The following STK10 variants were observed in gnomAD, a reference collection of about 807,000 sequenced individuals.
The protein encoded by STK10 is serine/threonine-protein kinase 10.
Under a neutral mutation model 113.8 loss-of-function variants are expected in STK10, and 78 were observed. That is an observed-to-expected ratio of 0.69 (90% CI 0.57 to 0.83). STK10 has a LOEUF of 0.83. Ranked by LOEUF, STK10 falls within the 40% of genes least tolerant of loss-of-function variation. The pLI is 0.00. For missense variants in STK10, 1,109 were observed against 1,280.1 expected (o/e 0.87, Z 2.04); for synonymous variants, 465 against 494.7 (o/e 0.94, Z 0.80).
intron 14 of STK10, among the ~76,000 whole-genome samples, chr5:172,058,722 T>A (rs1767858668): frequency 6.6e-6 from 1 of 151,942 alleles, no homozygotes. Flanking sequence ...AAACCCAGTC[T>A]CTACTAAAAA....
chr5:172,143,892 A>G (rs1010323127), intron 2 of STK10, among the ~76,000 whole-genome samples: 1 of 152,246 alleles, frequency 6.6e-6, no homozygotes, highest in African/African-American at 2.4e-5. Context: ...TAGCCTTAAG[A>G]TGCCCAGAAA....
intron 3 of STK10, 103 bp from the exon 4 acceptor site, chr5:172,117,733 G>C: frequency 6.7e-7 from 1 of 1,497,802 alleles, no homozygotes; most frequent in Non-Finnish European, 9.0e-7. Flanking sequence ...ACCAACATTA[G>C]GCCAGGCGTG....
At chr5:172,048,837 C>A (rs1211716950) in intron 18 of STK10, among the ~76,000 whole-genome samples, 2 of 151,642 alleles carry the variant, frequency 1.3e-5, no homozygotes, top group Admixed American at 1.3e-4. Context: ...AGGCCCCCCA[C>A]CCCTCTGACT....
At chr5:172,182,033 G>C (rs916388099) in intron 1 of STK10, among the ~76,000 whole-genome samples, 4 of 151,920 alleles carry the variant, frequency 2.6e-5, no homozygotes, top group Non-Finnish European at 4.4e-5. Flanking sequence ...AGGCCGGCTC[G>C]GTGGCTCACG....
chr5:172,146,077 A>G (rs1029134006), intron 2 of STK10, among the ~76,000 whole-genome samples: 10 of 152,018 alleles, frequency 6.6e-5, no homozygotes, highest in Admixed American at 5.9e-4. Flanking sequence ...CACGTCACCA[A>G]CTCACATACT....
intron 6 of STK10, among the ~76,000 whole-genome samples, chr5:172,106,401 C>CAAAA (rs368671444): frequency 0.012 from 618 of 53,422 alleles, 27 homozygotes; most frequent in South Asian, 0.047. Context: ...GACCCTATCT[C>CAAAA]AAAAAAAAAA....
intron 10 of STK10, among the ~76,000 whole-genome samples, chr5:172,088,851 A>C (rs1768627582): frequency 6.6e-6 from 1 of 152,196 alleles, no homozygotes; most frequent in Non-Finnish European, 1.5e-5. Flanking sequence ...AAAAATGTGG[A>C]AATAGGGTCT....
At chr5:172,090,147 A>G in intron 10 of STK10, 85 bp downstream of exon 10, 1 of 1,549,946 alleles carries the variant, frequency 6.5e-7, no homozygotes, top group South Asian at 1.2e-5. Context: ...GTAGACAGAC[A>G]GCCCTCTCAC....
chr5:172,061,086 G>A (rs1276336034), intron 14 of STK10, 53 bp downstream of exon 14: 10 of 1,550,402 alleles, frequency 6.4e-6, no homozygotes, highest in Non-Finnish European at 7.8e-6. Flanking sequence ...CCAGGGCTGG[G>A]ATGTCCACAG....
At chr5:172,048,291 A>G (rs1767538553) in intron 18 of STK10, among the ~76,000 whole-genome samples, 1 of 152,128 alleles carries the variant, frequency 6.6e-6, no homozygotes. Context: ...CTGCCTCTAG[A>G]CAGCAACAAC....
intron 1 of STK10, among the ~76,000 whole-genome samples, chr5:172,167,643 C>A (rs1385000083): frequency 6.6e-6 from 1 of 152,206 alleles, no homozygotes; most frequent in African/African-American, 2.4e-5. Flanking sequence ...TCGGAACCCA[C>A]ATGAGCTGCA....
intron 2 of STK10, among the ~76,000 whole-genome samples, chr5:172,140,423 G>A (rs530459858): frequency 6.6e-6 from 1 of 152,360 alleles, no homozygotes; most frequent in South Asian, 2.1e-4. Flanking sequence ...TTGGCCAGGT[G>A]TGGTGGTGCA....
intron 16 of STK10, among the ~76,000 whole-genome samples, chr5:172,054,978 C>G (rs1021802238): frequency 6.6e-6 from 1 of 152,114 alleles, no homozygotes; most frequent in African/African-American, 2.4e-5. Context: ...GGCCCGTGTG[C>G]CCGAGCCACA....
At chr5:172,054,484 T>C (rs1767700815) in intron 17 of STK10, 85 bp downstream of exon 17, 4 of 1,549,900 alleles carry the variant, frequency 2.6e-6, no homozygotes, top group South Asian at 1.2e-5. Flanking sequence ...TTCCCTGCTG[T>C]GGAGTTTCTG....
chr5:172,068,686 T>G (rs1055797836), intron 12 of STK10, among the ~76,000 whole-genome samples: 1 of 152,178 alleles, frequency 6.6e-6, no homozygotes, highest in Non-Finnish European at 1.5e-5. Flanking sequence ...CCAGGTGTGG[T>G]GGCTCACACC....
rs551379851 is a variant in STK10 at position 172,091,487 on chromosome 5, C to T, written c.1555-1125G>A. 1.5e-4 allele frequency among the ~76,000 whole-genome samples: 23 copies of T among 151,704 alleles called. No individual in the cohort carries two copies. The South Asian group carries it at 2.7e-3, about 18-fold the overall frequency. On this transcript the variant is annotated intron_variant, in intron 9 of 18. Transcript: ENST00000176763. ...TCTGAAGGTGTCCCCATAACCCTCC[C>T]GCTCTGCCCACTGCCTCTGGCCTCT...
intron 2 of STK10, among the ~76,000 whole-genome samples, chr5:172,137,933 T>C (rs531828034): frequency 6.7e-6 from 1 of 149,756 alleles, no homozygotes; most frequent in East Asian, 2.0e-4. Context: ...GGCCATATAT[T>C]AAAAATGCAC....
chr5:172,089,080 C>T (rs1017814882), intron 10 of STK10, among the ~76,000 whole-genome samples: 1 of 152,204 alleles, frequency 6.6e-6, no homozygotes, highest in Non-Finnish European at 1.5e-5. Flanking sequence ...AGATCTCCCT[C>T]TCTCCCTCCA....
At chr5:172,125,250 G>T (rs934954748) in intron 3 of STK10, among the ~76,000 whole-genome samples, 1 of 152,188 alleles carries the variant, frequency 6.6e-6, no homozygotes, top group Non-Finnish European at 1.5e-5. Flanking sequence ...ACAGGCTTTG[G>T]TTGTTCATTA....
Sources: allele counts gnomAD v4.1 joint callset (sites outside exome capture counted in the v4.1 genomes callset), GRCh38; gene constraint gnomAD v4.1.1; transcripts MANE v1.5; gene names NCBI Gene and HGNC (gene_info 2026-07-23, HGNC 2026-07-21).